ZNF439: variants seen among roughly 807,000 people sequenced by gnomAD.
ZNF439 encodes zinc finger protein 439.
In ZNF439, 40 loss-of-function variants were observed where a neutral mutation model predicts 47.3. The observed-to-expected ratio is 0.85, with a 90% CI of 0.66 to 1.10. The LOEUF is 1.10. Among genes scored for constraint, ZNF439 ranks in the 50% least tolerant of loss-of-function variants. The pLI is 0.00. For missense variants in ZNF439, 556 were observed against 601.1 expected (o/e 0.93, Z 0.78); for synonymous variants, 171 against 198.8 (o/e 0.86, Z 1.18).
At chr19:11,854,866 T>C (rs564854607) in intron 1 of ZNF439, among the ~76,000 whole-genome samples, 3 of 152,368 alleles carry the variant, frequency 2.0e-5, no homozygotes, top group African/African-American at 7.2e-5. Context: ...AGCTAATCCT[T>C]CTTAGCTGCC....
chr19:11,854,795 A>T (rs1176116374), intron 1 of ZNF439, among the ~76,000 whole-genome samples: 1 of 152,178 alleles, frequency 6.6e-6, no homozygotes, highest in Non-Finnish European at 1.5e-5. Flanking sequence ...GCAATGTGCT[A>T]TGATTAATGT....
rs1330504049 is a variant in ZNF439 at position 11,869,418 on chromosome 19, A to G, written c.*849A>G. ...CTGTTTATAATAACTGTATACTAAC[A>G]AATGTTATTCTTTTTAAATAATTAA... On this transcript the variant is annotated 3_prime_UTR_variant, in exon 4 of 4. Coordinates refer to ENST00000682736, the MANE Select transcript of ZNF439 (RefSeq NM_001348719.2). 2 of 153,152 alleles carry G rather than the reference A, an allele frequency of 1.3e-5. No homozygotes were observed. The highest frequency in any genetic ancestry group is 4.8e-5 in the African/African-American group (2 of 41,466). 9.5% of individuals were successfully genotyped at this position (153,152 alleles called of 1,614,324 possible). A position where few individuals can be genotyped will look rare whatever the true frequency, so the allele number is the denominator to read the frequency against.
chr19:11,852,629 C>A (rs567816359), intron 1 of ZNF439, among the ~76,000 whole-genome samples: 2 of 152,190 alleles, frequency 1.3e-5, no homozygotes, highest in African/African-American at 4.8e-5. Flanking sequence ...CCTGCCTTAG[C>A]CTCCCAAGTA....
chr19:11,868,181 G>T lies in ZNF439; in HGVS notation c.1127G>T (p.Arg376Ile). ...TTTTATTCTGCCAAGTCATTTCAAA[G>T]ACATGAAAAAACTCACAGTGGAGAG... ...KGFYSAKSFQ[R>I]HEKTHSGEKP... Residue 376 changes from arginine (R) to isoleucine (I), a missense_variant, in exon 4 of 4, where the codon AGA (arginine) becomes ATA (isoleucine). Coordinates refer to ENST00000682736, the MANE Select transcript of ZNF439 (RefSeq NM_001348719.2). 6.2e-7 allele frequency: 1 copy of T among 1,613,470 alleles called. No individual in the cohort carries two copies. The highest frequency in any genetic ancestry group is 8.5e-7 in the Non-Finnish European group (1 of 1,179,846).
intron 1 of ZNF439, among the ~76,000 whole-genome samples, chr19:11,854,785 G>T (rs1384343723): frequency 1.3e-5 from 2 of 151,918 alleles, no homozygotes; most frequent in Non-Finnish European, 2.9e-5. Flanking sequence ...TTATGTATTT[G>T]CAATGTGCTA....
chr19:11,861,295 C>A (rs761826833), intron 1 of ZNF439, among the ~76,000 whole-genome samples: 1 of 152,138 alleles, frequency 6.6e-6, no homozygotes, highest in African/African-American at 2.4e-5. Flanking sequence ...CTTTGGGATG[C>A]GGTTCCTTTC....
At chr19:11,865,894 G>A (rs1976665169) in intron 1 of ZNF439, 2 of 490,134 alleles carry the variant, frequency 4.1e-6, no homozygotes, top group Admixed American at 4.7e-5. Flanking sequence ...GGGTATGCTG[G>A]TGCATGCCTG....
chr19:11,853,656 T>C (rs1174609259), intron 1 of ZNF439, among the ~76,000 whole-genome samples: 1 of 152,196 alleles, frequency 6.6e-6, no homozygotes, highest in Non-Finnish European at 1.5e-5. Flanking sequence ...GTTTATCATA[T>C]AGCCTTCAGT....
At chr19:11,849,050 CCTCGG>C in intron 1 of ZNF439, 120 bp downstream of exon 1, 1 of 1,240,748 alleles carries the variant, frequency 8.1e-7, no homozygotes, top group Non-Finnish European at 1.0e-6. Flanking sequence ...GCTGCTCGGC[CCTCGG>C]TCCCCGCGGC....
chr19:11,852,282 A>G (rs865829403), intron 1 of ZNF439, among the ~76,000 whole-genome samples: 2 of 152,196 alleles, frequency 1.3e-5, no homozygotes, highest in African/African-American at 4.8e-5. Context: ...TATTAAATAA[A>G]TTAAAAATAG....
At chr19:11,867,254 A>G (rs1976710704) in intron 3 of ZNF439, 52 bp from the exon 4 acceptor site, 4 of 1,569,986 alleles carry the variant, frequency 2.5e-6, no homozygotes, top group Non-Finnish European at 3.4e-6. Flanking sequence ...GCTGATTAAT[A>G]TAAAATTACT....
At chr19:11,860,756 G>C (rs1976518729) in intron 1 of ZNF439, among the ~76,000 whole-genome samples, 1 of 152,092 alleles carries the variant, frequency 6.6e-6, no homozygotes, top group African/African-American at 2.4e-5. Flanking sequence ...GCTTGATTTA[G>C]AGCAGGCCTG....
chr19:11,849,092 G>A (rs1976155974), intron 1 of ZNF439, 162 bp downstream of exon 1: 1 of 1,206,484 alleles, frequency 8.3e-7, no homozygotes, highest in South Asian at 1.6e-5. Flanking sequence ...GCCGGCAGCC[G>A]GGACTCCGGG....
Position 11,868,106 on chromosome 19 carries a change from G to A in ZNF439, c.1052G>A (p.Arg351Lys). 6.2e-7 allele frequency: 1 copy of A among 1,614,186 alleles called. No homozygotes were observed. The highest frequency in any genetic ancestry group is 8.5e-7 in the Non-Finnish European group (1 of 1,180,030). ...CTTACAAGTTTTCAAACACACATAA[G>A]AATGCACTCTGGAGAAAGACCTTAT... ...SSLTSFQTHI[R>K]MHSGERPYEC... The change falls in exon 4 of 4, where the codon AGA becomes AAA. Residue 351 changes from arginine to lysine, a missense_variant. Arg to Lys is a conservative substitution (Grantham distance 26, BLOSUM62 2). Transcript: ENST00000682736.
chr19:11,852,030 A>G (rs1183655529), intron 1 of ZNF439, among the ~76,000 whole-genome samples: 1 of 152,078 alleles, frequency 6.6e-6, no homozygotes, highest in Non-Finnish European at 1.5e-5. Flanking sequence ...TTCCTTTTCA[A>G]TTTAAAAGAG....
intron 1 of ZNF439, among the ~76,000 whole-genome samples, chr19:11,863,271 C>T (rs1439022930): frequency 1.3e-5 from 2 of 150,798 alleles, no homozygotes; most frequent in Non-Finnish European, 2.9e-5. Context: ...AGTGATTCTC[C>T]TGCCTCAGCC....
intron 1 of ZNF439, among the ~76,000 whole-genome samples, chr19:11,859,689 G>T (rs145561813): frequency 6.6e-6 from 1 of 152,076 alleles, no homozygotes; most frequent in African/African-American, 2.4e-5. Flanking sequence ...TAGGAAAAAC[G>T]CAAGGTCCTA....
intron 1 of ZNF439, 190 bp from the exon 2 acceptor site, chr19:11,866,015 C>CAA: frequency 7.1e-7 from 1 of 1,413,422 alleles, no homozygotes; most frequent in Non-Finnish European, 9.1e-7. Context: ...AATTCTGTCT[C>CAA]AAAAAAATAA....
chr19:11,849,242 T>A, intron 1 of ZNF439: 1 of 1,034,108 alleles, frequency 9.7e-7, no homozygotes, highest in Non-Finnish European at 1.2e-6. Context: ...GGGTGTGGAT[T>A]TCGTCCGTAG....
Sources: allele counts gnomAD v4.1 joint callset (sites outside exome capture counted in the v4.1 genomes callset), GRCh38; gene constraint gnomAD v4.1.1; transcripts MANE v1.5; gene names NCBI Gene and HGNC (gene_info 2026-07-23, HGNC 2026-07-21).